The following HLA-DPA1 variants were observed in gnomAD, a reference collection of about 807,000 sequenced individuals.
HLA-DPA1 encodes the protein major histocompatibility complex, class II, DP alpha 1, also known as HLA class II histocompatibility antigen, DP alpha 1 chain.
In HLA-DPA1, 20 loss-of-function variants were observed where a neutral mutation model predicts 21.5. The ratio of observed to expected loss-of-function variants is 0.93; its 90% CI spans 0.66 to 1.35. The LOEUF (loss-of-function observed/expected upper bound fraction) is 1.35, where lower values mean the gene tolerates loss of function less well. Ranked by LOEUF, HLA-DPA1 falls within the 40% of genes most tolerant of loss-of-function variation. HLA-DPA1 has a pLI of 0.00. For missense variants in HLA-DPA1, 279 were observed against 323.0 expected, an observed-to-expected ratio of 0.86 and a Z score of 1.05; for synonymous variants, 123 against 129.6, an observed-to-expected ratio of 0.95 and a Z score of 0.35.
At chr6:33,069,062 C>G (rs1369830046) in exon 4 of HLA-DPA1, 1 of 1,612,932 alleles carries the variant, frequency 6.2e-7, no homozygotes, top group Non-Finnish European at 8.5e-7. Flanking sequence ...AGTGCTCCAC[C>G]CTGCAGTCAT....
chr6:33,079,860 G>T, intron 1 of HLA-DPA1: 1 of 329,606 alleles, frequency 3.0e-6, no homozygotes, highest in Non-Finnish European at 5.9e-6. Context: ...AAAATGAGTA[G>T]AAAGTTCATG....
At chr6:33,069,435 C>T in intron 3 of HLA-DPA1, 135 bp from the exon 3 acceptor site, 1 of 1,053,540 alleles carries the variant, frequency 9.5e-7, no homozygotes, top group Admixed American at 2.3e-5. Context: ...GGGTATCACA[C>T]CACTGACCAG....
intron 4 of HLA-DPA1, 70 bp from the exon 4 acceptor site, chr6:33,068,874 G>A: frequency 6.4e-7 from 1 of 1,569,544 alleles, no homozygotes; most frequent in Non-Finnish European, 8.7e-7. Flanking sequence ...ATGGTTGTGG[G>A]AATTGAAGGT....
chr6:33,073,343 G>T, intron 2 of HLA-DPA1, 128 bp downstream of exon 1: 1 of 667,326 alleles, frequency 1.5e-6, no homozygotes, highest in South Asian at 1.8e-5. Context: ...ATGAGGGCCA[G>T]AGGGAACATA....
At chr6:33,069,330 C>G (rs1762138246) in intron 3 of HLA-DPA1, 30 bp from the exon 3 acceptor site, 2 of 1,594,108 alleles carry the variant, frequency 1.3e-6, no homozygotes, top group African/African-American at 2.7e-5. Flanking sequence ...GGTTAGGCCC[C>G]TCTTCTGGGA....
At chr6:33,073,563 G>A (rs767577498) in exon 2 of HLA-DPA1, 3 of 1,612,212 alleles carry the variant, frequency 1.9e-6, no homozygotes, top group Non-Finnish European at 2.5e-6. Context: ...TCTGTCTTCA[G>A]GGCGCATGTT....
chr6:33,076,053 G>A, intron 1 of HLA-DPA1: 1 of 1,611,964 alleles, frequency 6.2e-7, no homozygotes, highest in Non-Finnish European at 8.5e-7. Flanking sequence ...TGATGGTTCT[G>A]CAGGTTTCTG....
At chr6:33,067,244 C>T (rs2150356214) in intron 5 of HLA-DPA1, 1 of 152,122 alleles carries the variant, frequency 6.6e-6, no homozygotes, top group East Asian at 1.9e-4. Context: ...AAAATTGATC[C>T]CCAGTGTTGC....
chr6:33,079,366 C>T (rs1762717197), intron 1 of HLA-DPA1: 1 of 190,006 alleles, frequency 5.3e-6, no homozygotes, highest in Non-Finnish European at 1.1e-5. Context: ...GGAAAGGCTG[C>T]CAAAATTGTT....
chr6:33,068,719 G>C (rs756565886), exon 5 of HLA-DPA1: 5 of 1,613,020 alleles, frequency 3.1e-6, no homozygotes, highest in Non-Finnish European at 4.2e-6. Context: ...CGGTGCCCAC[G>C]ATGATGCCGA....
chr6:33,077,205 TG>T (rs1325899460), intron 1 of HLA-DPA1, among the ~76,000 whole-genome samples: 1 of 151,872 alleles, frequency 6.6e-6, no homozygotes, highest in Non-Finnish European at 1.5e-5. Context: ...TTGCTGTGAA[TG>T]ATGATTTCCA....
At chr6:33,068,411 T>C in intron 5 of HLA-DPA1, 1 of 456,724 alleles carries the variant, frequency 2.2e-6, no homozygotes. Flanking sequence ...GTGAAAATAA[T>C]AGTACCTACC....
At chr6:33,074,369 G>A (rs1762434104) in intron 1 of HLA-DPA1, among the ~76,000 whole-genome samples, 1 of 152,170 alleles carries the variant, frequency 6.6e-6, no homozygotes, top group Non-Finnish European at 1.5e-5. Flanking sequence ...ATTACCTGTG[G>A]TAACAATGTG....
Position 33,071,284 on chromosome 6 carries a change from C to T in HLA-DPA1, c.101-1398G>A, listed in dbSNP as rs182175711. Among the ~76,000 whole-genome samples the T allele has an allele frequency of 3.5e-3, 534 of 152,252 alleles. 2 individuals carry two copies. The highest frequency in any genetic ancestry group is 0.026 in the East Asian group (133 of 5,182). On this transcript the variant is annotated intron_variant, in intron 2 of 5. Transcript: ENST00000419277. ...GAGTGGTATTTGAAACTAAACAAAA[C>T]AAATCCTATAGGTATTTCACTAGGA...
intron 3 of HLA-DPA1, 36 bp downstream of exon 2, chr6:33,069,605 T>C (rs760164705): frequency 2.5e-5 from 40 of 1,608,190 alleles, no homozygotes; most frequent in Admixed American, 3.3e-5. Context: ...TCCCTTCCAG[T>C]TGGGCTACAG....
At chr6:33,075,868 G>A (rs1762509178) in intron 1 of HLA-DPA1, 1 of 585,818 alleles carries the variant, frequency 1.7e-6, no homozygotes, top group Admixed American at 3.1e-5. Context: ...AGTGAGCAAT[G>A]ACTCATACAA....
chr6:33,069,605 T>G, intron 3 of HLA-DPA1, 36 bp downstream of exon 2: 1 of 1,608,308 alleles, frequency 6.2e-7, no homozygotes, highest in Non-Finnish European at 8.5e-7. Context: ...TCCCTTCCAG[T>G]TGGGCTACAG....
Position 33,078,335 on chromosome 6 carries a change from G to A in HLA-DPA1, c.-100+2345C>T, listed in dbSNP as rs553980853. 2.6e-3 allele frequency among the ~76,000 whole-genome samples: 402 copies of A among 152,268 alleles called. 4 individuals are homozygous for A. The highest frequency in any genetic ancestry group is 9.3e-3 in the African/African-American group (388 of 41,544). On this transcript the variant is annotated intron_variant, in intron 1 of 5. Coordinates refer to ENST00000419277, the Ensembl canonical transcript of HLA-DPA1. Reference sequence around the variant, plus strand: ...TGGAGGGAGAGCTGGAGCCATAGGGGAGTGGGTAAAGTGGGCAGGGCTGAT... The same window carrying A: ...TGGAGGGAGAGCTGGAGCCATAGGGAAGTGGGTAAAGTGGGCAGGGCTGAT...
chr6:33,073,519 G>C, exon 2 of HLA-DPA1: 1 of 1,613,010 alleles, frequency 6.2e-7, no homozygotes, highest in Non-Finnish European at 8.5e-7. Flanking sequence ...GCCAAGGAGA[G>C]GGCTCTCAAG....
Sources: gnomAD v4.1 joint callset for allele counts (sites outside exome capture counted in the v4.1 genomes callset) on GRCh38, gnomAD v4.1.1 for gene constraint, MANE v1.5 for transcripts, NCBI Gene and HGNC (gene_info 2026-07-23, HGNC 2026-07-21) for gene names.